JPH2: variants seen among roughly 807,000 people sequenced by gnomAD.
JPH2 encodes the protein junctophilin 2, also known as junctophilin-2.
A neutral mutation model predicts 55.9 loss-of-function variants in JPH2; 38 were observed. The observed-to-expected ratio is 0.68, with a 90% confidence interval of 0.52 to 0.89. JPH2 has a LOEUF of 0.89. Among genes scored for constraint, JPH2 ranks in the 40% least tolerant of loss-of-function variants. JPH2 has a pLI of 0.00. For missense variants in JPH2, 964 were observed against 1,037.6 expected, an observed-to-expected ratio of 0.93 and a Z score of 0.97; for synonymous variants, 480 against 472.4, an observed-to-expected ratio of 1.02 and a Z score of -0.21.
At chr20:44,139,159 G>A (rs188173435) in intron 2 of JPH2, among the ~76,000 whole-genome samples, 1 of 152,302 alleles carries the variant, frequency 6.6e-6, no homozygotes, top group Admixed American at 6.5e-5. Flanking sequence ...TCCCCCCAAG[G>A]ACAAGGCAAG....
At position 44,112,108 on chromosome 20, in the gene JPH2, G is replaced by T. The variant is rs1281127163; in HGVS notation, c.*1410C>A. The T allele has an allele frequency of 6.6e-6, 1 of 152,344 alleles. No homozygotes were observed. Among genetic ancestry groups the T allele is most frequent in the South Asian group, 2.1e-4 (1 of 4,838 alleles). 9.4% of individuals were successfully genotyped at this position (152,344 alleles called of 1,614,324 possible). On this transcript the variant is annotated 3_prime_UTR_variant, in exon 6 of 6. Coordinates refer to ENST00000372980, the MANE Select transcript of JPH2 (RefSeq NM_020433.5). ...AGGTTCCCAAGCATTGAAGGGAAAT[G>T]GGAAAGCTGACCCTATCAGAAGCAA...
Position 44,129,558 on chromosome 20 carries a change from A to AC in JPH2, c.1170-10936_1170-10935insG, listed in dbSNP as rs1243852977. 9.4e-5 allele frequency among the ~76,000 whole-genome samples: 11 copies of AC among 117,302 alleles called. No homozygotes were observed. The South Asian group carries it at 1.4e-3, about 14-fold the overall frequency. 77.0% of individuals were successfully genotyped at this position (117,302 alleles called of 152,430 possible). On this transcript the variant is annotated intron_variant, in intron 2 of 5. Transcript: ENST00000372980. ...CAACAGAGCCAGGCTGTCTCAAAAAAAAAAAAAAAAACAAAAAAAACAAAA... is the reference window on the plus strand; with the variant it reads ...CAACAGAGCCAGGCTGTCTCAAAAAACAAAAAAAAAAACAAAAAAAACAAAA...
At chr20:44,151,746 A>G (rs567247611) in intron 2 of JPH2, among the ~76,000 whole-genome samples, 1 of 152,236 alleles carries the variant, frequency 6.6e-6, no homozygotes, top group Admixed American at 6.5e-5. Flanking sequence ...TCCACCAGGC[A>G]TTCAAAGCCC....
Position 44,159,908 on chromosome 20 carries a change from G to A in JPH2, c.879C>T (p.Gly293=), listed in dbSNP as rs1719372572. The change falls in exon 2 of 6, where the codon GGC becomes GGT. Residue 293 remains glycine (G), a synonymous_variant. Coordinates refer to ENST00000372980, the MANE Select transcript of JPH2 (RefSeq NM_020433.5). The surrounding 1 kb of genome is among the most constrained non-coding windows in gnomAD (Gnocchi z 5.7). ...IDATTTETYM[G]EWKNDKRSGF... ...CCGAGCGTTTGTCGTTCTTCCACTC[G>A]CCCATGTAGGTCTCGGTGGTGGTGG... 7 of 1,612,822 alleles carry A rather than the reference G, an allele frequency of 4.3e-6. No individual in the cohort carries two copies. In the East Asian group the frequency reaches 1.3e-4, roughly 31 times the overall value.
chr20:44,139,778 T>C (rs2072442496), intron 2 of JPH2, among the ~76,000 whole-genome samples: 1 of 151,642 alleles, frequency 6.6e-6, no homozygotes, highest in Admixed American at 6.6e-5. Context: ...CAAACAAGAG[T>C]TGCCTATGGA....
chr20:44,176,817 T>C, intron 1 of JPH2: 1 of 946,352 alleles, frequency 1.1e-6, no homozygotes, highest in Non-Finnish European at 1.3e-6. Context: ...AAAAAAAAGG[T>C]ATCCATAAAG....
In JPH2 at chr20:44,109,018, C is replaced by T. The variant is rs1264531452; in HGVS notation, c.*4500G>A. On this transcript the variant is annotated 3_prime_UTR_variant, in exon 6 of 6. Coordinates refer to ENST00000372980, the MANE Select transcript of JPH2 (RefSeq NM_020433.5). The stretch of plus-strand genomic sequence containing the variant: ...CTCCTTCAGGAATTCTGAATCATCA[C>T]ATCCACTAATATCCAATAGACAAAT... Among the ~76,000 whole-genome samples the T allele has an allele frequency of 2.0e-5, 3 of 152,228 alleles. No individual in the cohort carries two copies. Among genetic ancestry groups the T allele is most frequent in the Non-Finnish European group, 2.9e-5 (2 of 68,042 alleles).
chr20:44,108,088 G>C lies in JPH2; in HGVS notation c.*5430C>G, dbSNP rs2072118672. On this transcript the variant is annotated 3_prime_UTR_variant, in exon 6 of 6. Coordinates refer to ENST00000372980, the MANE Select transcript of JPH2 (RefSeq NM_020433.5). ...ATGGAGGTTAAGTTCAACCATGTGG[G>C]AAATGATTCAATCAATCACCTCTAC... 6.6e-6 allele frequency among the ~76,000 whole-genome samples: 1 copy of C among 152,112 alleles called. No individual in the cohort carries two copies. Among genetic ancestry groups the C allele is most frequent in the Non-Finnish European group, 1.5e-5 (1 of 68,014 alleles).
intron 1 of JPH2, among the ~76,000 whole-genome samples, chr20:44,179,921 G>T (rs899584925): frequency 6.6e-6 from 1 of 152,186 alleles, no homozygotes; most frequent in East Asian, 1.9e-4. Context: ...TTGTGTGAAG[G>T]TTTAAACAAT....
chr20:44,160,127 G>T lies in JPH2; in HGVS notation c.660C>A (p.Leu220=). ...TGCCCAGCAGCGCGCCCCGCTGGAAGAGGCCGCCGCCCTTGGGCGCCCGCG... is the reference window on the plus strand; with the variant it reads ...TGCCCAGCAGCGCGCCCCGCTGGAATAGGCCGCCGCCCTTGGGCGCCCGCG... ...AAARAPKGGG[L]FQRGALLGKL... is the part of the protein sequence containing the mutation. Residue 220 remains leucine (L), a synonymous_variant, in exon 2 of 6, where the codon CTC becomes CTA. Coordinates refer to ENST00000372980, the MANE Select transcript of JPH2 (RefSeq NM_020433.5). The surrounding 1 kb of genome is among the most constrained non-coding windows in gnomAD (Gnocchi z 4.9). 6.7e-7 allele frequency: 1 copy of T among 1,501,704 alleles called. No homozygotes were observed. Among genetic ancestry groups the T allele is most frequent in the Non-Finnish European group, 8.8e-7 (1 of 1,132,034 alleles). 93.0% of individuals were successfully genotyped at this position (1,501,704 alleles called of 1,614,324 possible). A position where few individuals can be genotyped will look rare whatever the true frequency, so the allele number is the denominator to read the frequency against.
intron 2 of JPH2, among the ~76,000 whole-genome samples, chr20:44,149,378 C>G (rs1026592543): frequency 6.6e-6 from 1 of 152,390 alleles, no homozygotes; most frequent in African/African-American, 2.4e-5. Flanking sequence ...TGGCTACCCA[C>G]TCACAAAGCG....
At chr20:44,146,190 C>T (rs142375979) in intron 2 of JPH2, among the ~76,000 whole-genome samples, 1 of 151,982 alleles carries the variant, frequency 6.6e-6, no homozygotes, top group East Asian at 1.9e-4. Context: ...CCCACTGCCA[C>T]GCCCAGCTGA....
Position 44,114,820 on chromosome 20 carries a change from G to A in JPH2, c.2067C>T (p.Ile689=). ...MVILLNIGLA[I]LFVHLLT ...GTCAGGTCAGGAGGTGAACAAAGAG[G>A]ATGGCCAGGCCGATGTTCAGCAGGA... Residue 689 remains isoleucine (I), a synonymous_variant, in exon 5 of 6, where the codon ATC becomes ATT. Coordinates refer to ENST00000372980, the MANE Select transcript of JPH2 (RefSeq NM_020433.5). 1.2e-6 allele frequency: 2 copies of A among 1,607,342 alleles called. No individual in the cohort carries two copies. The highest frequency in any genetic ancestry group is 1.1e-5 in the South Asian group (1 of 88,968).
chr20:44,135,872 C>G (rs899649121), intron 2 of JPH2, among the ~76,000 whole-genome samples: 1 of 152,166 alleles, frequency 6.6e-6, no homozygotes, highest in Non-Finnish European at 1.5e-5. Flanking sequence ...GAGAGTTAGT[C>G]ATTGTGATCG....
At chr20:44,130,530 G>A (rs1452709946) in intron 2 of JPH2, among the ~76,000 whole-genome samples, 2 of 152,348 alleles carry the variant, frequency 1.3e-5, no homozygotes, top group Non-Finnish European at 1.5e-5. Flanking sequence ...AAATGACAGG[G>A]AGGGAACCTC....
rs777461348 is a variant in JPH2 at position 44,159,809 on chromosome 20, A to G, written c.978T>C (p.Tyr326=). Reference sequence around the variant, plus strand: ...GGCCGTCGGGCAGCGTGGTGCAGCCATAGCCGTGGCGCAGGTTGTCCAGCC... The same window carrying G: ...GGCCGTCGGGCAGCGTGGTGCAGCCGTAGCCGTGGCGCAGGTTGTCCAGCC... The part of the protein sequence containing the change: ...GEWLDNLRHG[Y]GCTTLPDGHR... The change falls in exon 2 of 6, where the codon TAT becomes TAC. Residue 326 remains tyrosine, a synonymous_variant. Coordinates refer to ENST00000372980, the MANE Select transcript of JPH2 (RefSeq NM_020433.5). This position sits in a 1 kb window ranked among gnomAD's most constrained non-coding sequence, Gnocchi z 5.7. 30 of 1,613,322 alleles carry G rather than the reference A, an allele frequency of 1.9e-5. No homozygotes were observed. Among genetic ancestry groups the G allele is most frequent in the Non-Finnish European group, 2.4e-5 (28 of 1,179,906 alleles).
chr20:44,146,178 C>T (rs952923212), intron 2 of JPH2, among the ~76,000 whole-genome samples: 2 of 152,006 alleles, frequency 1.3e-5, no homozygotes, highest in African/African-American at 4.8e-5. Flanking sequence ...GGACTACAGG[C>T]GCCCACTGCC....
chr20:44,134,842 T>C lies in JPH2; in HGVS notation c.1170-16219A>G, dbSNP rs1431543730. 1.6e-3 allele frequency among the ~76,000 whole-genome samples: 183 copies of C among 111,586 alleles called. 1 individual carries two copies. The highest frequency in any genetic ancestry group is 2.8e-3 in the Non-Finnish European group (162 of 58,714). 73.2% of individuals were successfully genotyped at this position (111,586 alleles called of 152,430 possible). On this transcript the variant is annotated intron_variant, in intron 2 of 5. Transcript: ENST00000372980. The stretch of plus-strand genomic sequence containing the variant: ...ATATTTATAAATATACATAAATATA[T>C]GTTTATTATAAATATATATATAAAT...
In JPH2 at chr20:44,130,120, G is replaced by A. The variant is rs1489222408; in HGVS notation, c.1170-11497C>T. ...TGTGATCTCATGTCATCCTCAAGAT[G>A]ATGCACTTTACAGCGGAAGAAACGC... On this transcript the variant is annotated intron_variant, in intron 2 of 5. Coordinates refer to ENST00000372980, the MANE Select transcript of JPH2 (RefSeq NM_020433.5). 2.0e-5 allele frequency among the ~76,000 whole-genome samples: 3 copies of A among 152,170 alleles called. No homozygotes were observed. The East Asian group carries it at 5.8e-4, about 29-fold the overall frequency.
Sources: allele counts gnomAD v4.1 joint callset (sites outside exome capture counted in the v4.1 genomes callset), GRCh38; gene constraint gnomAD v4.1.1; non-coding constraint Gnocchi (gnomAD v3.1); transcripts MANE v1.5; gene names NCBI Gene and HGNC (gene_info 2026-07-23, HGNC 2026-07-21).